TNFSF4: variants seen among roughly 807,000 people sequenced by gnomAD.
The protein encoded by TNFSF4 is TNF superfamily member 4.
Under a neutral mutation model 7.3 loss-of-function variants are expected in TNFSF4, and 4 were observed. The ratio of observed to expected loss-of-function variants is 0.55; its 90% confidence interval spans 0.27 to 1.25. The LOEUF is 1.25. Among genes scored for constraint, TNFSF4 ranks in the 50% most tolerant of loss-of-function variants. The pLI, the probability that TNFSF4 is intolerant of heterozygous loss-of-function variation, is 0.12. For synonymous variants in TNFSF4, 76 were observed against 83.7 expected, an observed-to-expected ratio of 0.91 and a Z score of 0.50; for missense variants, 181 against 208.8, an observed-to-expected ratio of 0.87 and a Z score of 0.82.
the TNFSF4 span, among the ~76,000 whole-genome samples, chr1:173,416,808 G>A: frequency 1.3e-5 from 2 of 151,788 alleles, no homozygotes; most frequent in Admixed American, 6.6e-5. Context: ...TGTTGCCTAG[G>A]CTGATCTCAA....
chr1:173,324,784 T>C, the TNFSF4 span, among the ~76,000 whole-genome samples: 1 of 151,934 alleles, frequency 6.6e-6, no homozygotes, highest in Non-Finnish European at 1.5e-5. Flanking sequence ...TACATAATGG[T>C]AAAGGGATCA....
chr1:173,263,978 G>C, the TNFSF4 span, among the ~76,000 whole-genome samples: 1 of 152,200 alleles, frequency 6.6e-6, no homozygotes, highest in Non-Finnish European at 1.5e-5. Context: ...GGGCCTATTT[G>C]AGGGTGGAAG....
At chr1:173,373,152 C>G in the TNFSF4 span, among the ~76,000 whole-genome samples, 1 of 152,208 alleles carries the variant, frequency 6.6e-6, no homozygotes, top group African/African-American at 2.4e-5. Context: ...AAGGGAGTTC[C>G]TAACCTCTGG....
chr1:173,233,001 G>A, the TNFSF4 span, among the ~76,000 whole-genome samples: 2 of 152,194 alleles, frequency 1.3e-5, no homozygotes, highest in Non-Finnish European at 2.9e-5. Flanking sequence ...CGAGTTGAGA[G>A]AAGAAGGCTT....
At chr1:173,403,631 C>T in the TNFSF4 span, among the ~76,000 whole-genome samples, 2 of 152,122 alleles carry the variant, frequency 1.3e-5, no homozygotes, top group Non-Finnish European at 2.9e-5. Context: ...CAGCTGGGCG[C>T]GGTGGCTCAC....
the TNFSF4 span, among the ~76,000 whole-genome samples, chr1:173,430,156 A>T: frequency 2.1e-3 from 322 of 152,336 alleles, 4 homozygotes; most frequent in African/African-American, 7.5e-3. Flanking sequence ...GTCTAAGCAC[A>T]CAGACGGTTG....
At chr1:173,236,008 T>C in the TNFSF4 span, among the ~76,000 whole-genome samples, 1 of 152,190 alleles carries the variant, frequency 6.6e-6, no homozygotes, top group Non-Finnish European at 1.5e-5. Context: ...CTTAAAAAAA[T>C]ATATAGAATC....
In TNFSF4 at chr1:173,185,532, A is replaced by G. The variant is rs1649185660; in HGVS notation, c.*984T>C. ...TTGAATTTGATAATAGGATCACCTC[A>G]TTTCTTGAAACCAGCAATGTTTCTG... On this transcript the variant is annotated 3_prime_UTR_variant, in exon 3 of 3. Transcript: ENST00000281834. 6.6e-6 allele frequency: 1 copy of G among 152,166 alleles called. No homozygotes were observed. The highest frequency in any genetic ancestry group is 2.1e-4 in the South Asian group (1 of 4,826). The allele number at this position is 152,166 out of a possible 1,614,324, so 9.4% of individuals were successfully genotyped here.
At chr1:173,249,775 A>G in the TNFSF4 span, among the ~76,000 whole-genome samples, 1 of 152,246 alleles carries the variant, frequency 6.6e-6, no homozygotes, top group Non-Finnish European at 1.5e-5. Flanking sequence ...AAGCCTTAGT[A>G]AAAATGGAGA....
At chr1:173,316,698 G>A in the TNFSF4 span, among the ~76,000 whole-genome samples, 12 of 152,008 alleles carry the variant, frequency 7.9e-5, no homozygotes, top group African/African-American at 2.9e-4. Flanking sequence ...AAAAAATTGT[G>A]ATGGCTATAG....
At chr1:173,394,919 GAGATAGAT>G in the TNFSF4 span, among the ~76,000 whole-genome samples, 107 of 150,124 alleles carry the variant, frequency 7.1e-4, no homozygotes, top group African/African-American at 2.1e-3. Flanking sequence ...TAGATAGATA[GAGATAGAT>G]AGATAGATAG....
the TNFSF4 span, among the ~76,000 whole-genome samples, chr1:173,262,954 T>C: frequency 6.6e-6 from 1 of 152,122 alleles, no homozygotes; most frequent in African/African-American, 2.4e-5. Flanking sequence ...GGATACAAAA[T>C]CAATGTGCAA....
the TNFSF4 span, among the ~76,000 whole-genome samples, chr1:173,250,790 T>C: frequency 6.6e-6 from 1 of 152,140 alleles, no homozygotes; most frequent in African/African-American, 2.4e-5. Context: ...TCTCAATAAA[T>C]ATTTTTTGGA....
chr1:173,257,328 C>T, the TNFSF4 span, among the ~76,000 whole-genome samples: 176 of 152,294 alleles, frequency 1.2e-3, no homozygotes, highest in African/African-American at 3.8e-3. Context: ...TTAGATAACA[C>T]TTTATTAATA....
the TNFSF4 span, among the ~76,000 whole-genome samples, chr1:173,347,715 A>C: frequency 2.6e-5 from 4 of 152,242 alleles, no homozygotes; most frequent in East Asian, 1.9e-4. Flanking sequence ...TGTGGAGGGC[A>C]CTATGGCAAG....
At chr1:173,196,256 C>T (rs1209185694) in intron 1 of TNFSF4, among the ~76,000 whole-genome samples, 2 of 152,156 alleles carry the variant, frequency 1.3e-5, no homozygotes, top group Admixed American at 6.5e-5. Flanking sequence ...TTCAGAAAGA[C>T]TTATCCCAAA....
the TNFSF4 span, among the ~76,000 whole-genome samples, chr1:173,423,666 G>C: frequency 1.3e-5 from 2 of 152,204 alleles, no homozygotes; most frequent in Admixed American, 6.5e-5. Flanking sequence ...GTAGGAAGGA[G>C]AACATCCCAC....
the TNFSF4 span, among the ~76,000 whole-genome samples, chr1:173,370,508 A>G: frequency 6.6e-6 from 1 of 152,220 alleles, no homozygotes; most frequent in African/African-American, 2.4e-5. Flanking sequence ...GATGCCCACC[A>G]TAACTCAGGG....
At chr1:173,351,732 C>T in the TNFSF4 span, 1 of 470,750 alleles carries the variant, frequency 2.1e-6, no homozygotes, top group Non-Finnish European at 3.8e-6. Flanking sequence ...TAATGAAGTT[C>T]AGGTTGTACG....
Sources: gnomAD v4.1 joint callset for allele counts (sites outside exome capture counted in the v4.1 genomes callset) on GRCh38, gnomAD v4.1.1 for gene constraint, MANE v1.5 for transcripts, NCBI Gene and HGNC (gene_info 2026-07-23, HGNC 2026-07-21) for gene names.